TUBD1: variants seen among roughly 807,000 people sequenced by gnomAD.
TUBD1 encodes tubulin delta 1.
A neutral mutation model predicts 51.2 loss-of-function variants in TUBD1; 38 were observed. The ratio of observed to expected loss-of-function variants is 0.74; its 90% CI spans 0.57 to 0.97. The LOEUF (loss-of-function observed/expected upper bound fraction) is 0.97, where lower values mean the gene tolerates loss of function less well. TUBD1 is among the 50% of genes least tolerant of loss of function. The pLI is 0.00. For synonymous variants in TUBD1, 169 were observed against 178.2 expected (o/e 0.95, Z 0.41); for missense variants, 489 against 538.4 (o/e 0.91, Z 0.91).
chr17:59,890,753 T>C (rs1437388365), intron 2 of TUBD1, 78 bp downstream of exon 2: 1 of 1,278,318 alleles, frequency 7.8e-7, no homozygotes. Context: ...GAATGGGGTT[T>C]AAAAACCATG....
rs774496103 is a variant in TUBD1, at chr17:59,866,618, C to T, written c.1066G>A (p.Ala356Thr). 9 of 1,613,844 alleles carry T rather than the reference C, an allele frequency of 5.6e-6. No individual in the cohort carries two copies. The African/African-American group carries it at 1.2e-4, about 22-fold the overall frequency. ...CACCTGAATTTCTTACCCACATCTG[C>T]ACTTTGCACATCTTTCCCACGAAGA... ...VILRGKDVQSADVEGFKDPAL... is the reference protein window; with the variant it reads ...VILRGKDVQSTDVEGFKDPAL... Residue 356 changes from alanine to threonine, a missense_variant, in exon 7 of 9, where the codon GCA (alanine) becomes ACA (threonine). By Grantham distance (58) the Ala-to-Thr change is moderately conservative (BLOSUM62 0). Transcript: ENST00000325752.
intron 2 of TUBD1, among the ~76,000 whole-genome samples, chr17:59,887,123 T>A (rs1441220806): frequency 1.3e-5 from 2 of 151,142 alleles, no homozygotes; most frequent in East Asian, 3.9e-4. Flanking sequence ...GAGGTGGAGG[T>A]TGCAGTGAGC....
intron 7 of TUBD1, among the ~76,000 whole-genome samples, chr17:59,864,853 GTTTTC>G (rs1174201773): frequency 1.3e-5 from 2 of 151,642 alleles, no homozygotes; most frequent in Non-Finnish European, 2.9e-5. Context: ...AGATTGTTCG[GTTTTC>G]TTTTTTCTTT....
intron 5 of TUBD1, 23 bp downstream of exon 5, chr17:59,878,080 T>A (rs778488404): frequency 1.3e-6 from 2 of 1,573,344 alleles, no homozygotes; most frequent in South Asian, 1.1e-5. Flanking sequence ...TTTCCTATAA[T>A]TAACGTATAG....
intron 6 of TUBD1, among the ~76,000 whole-genome samples, chr17:59,873,337 C>A (rs1021748429): frequency 6.6e-6 from 1 of 151,292 alleles, no homozygotes; most frequent in African/African-American, 2.4e-5. Context: ...GCAGCCTTGA[C>A]CTCCTGGGCT....
rs953000780 is a variant in TUBD1, at chr17:59,890,859, T to A, written c.144A>T (p.Glu48Asp). Residue 48 changes from glutamate to aspartate, a missense_variant, in exon 2 of 9, where the codon GAA (glutamate) becomes GAT (aspartate). Transcript: ENST00000325752. ...ENEAYQASCK[E>D]RFFSEEENGV... ...CATTCTCCTCCTCACTGAAGAATCT[T>A]TCTTTGCAAGATGCTTGATATGCCT... is the stretch of plus-strand genomic sequence containing the variant. 1 of 1,613,390 alleles carries A rather than the reference T, an allele frequency of 6.2e-7. No homozygotes were observed. Among genetic ancestry groups the A allele is most frequent in the Admixed American group, 1.7e-5 (1 of 59,840 alleles).
intron 6 of TUBD1, among the ~76,000 whole-genome samples, chr17:59,873,257 GTTTTT>G (rs373205709): frequency 3.4e-5 from 5 of 147,144 alleles, no homozygotes; most frequent in Non-Finnish European, 7.6e-5. Context: ...TTTTGTTGTT[GTTTTT>G]TTTTTGAGAA....
chr17:59,883,728 T>A (rs982271689), intron 3 of TUBD1, among the ~76,000 whole-genome samples: 1 of 151,772 alleles, frequency 6.6e-6, no homozygotes, highest in Non-Finnish European at 1.5e-5. Context: ...TTTTTAAAAT[T>A]TTTTCGTAGC....
intron 1 of TUBD1, among the ~76,000 whole-genome samples, chr17:59,892,131 A>G (rs908989265): frequency 6.6e-6 from 1 of 152,248 alleles, no homozygotes; most frequent in African/African-American, 2.4e-5. Flanking sequence ...CTTCTAAATA[A>G]TAGCTTACGC....
intron 5 of TUBD1, 56 bp from the exon 6 acceptor site, chr17:59,874,759 A>C: frequency 6.9e-7 from 1 of 1,439,860 alleles, no homozygotes. Flanking sequence ...TGTTGCCAAT[A>C]GTCTATATAT....
chr17:59,871,579 T>C (rs1448395865), intron 6 of TUBD1, among the ~76,000 whole-genome samples: 1 of 152,032 alleles, frequency 6.6e-6, no homozygotes, highest in Non-Finnish European at 1.5e-5. Flanking sequence ...GGTCCATCAA[T>C]ATGAGGGAAT....
At chr17:59,885,433 G>T in intron 3 of TUBD1, 1 of 1,309,580 alleles carries the variant, frequency 7.6e-7, no homozygotes. Context: ...GTTCTGGGTG[G>T]GGGATATGTA....
intron 3 of TUBD1, among the ~76,000 whole-genome samples, chr17:59,883,262 AT>A (rs1233023858): frequency 1.3e-3 from 185 of 139,124 alleles, no homozygotes; most frequent in East Asian, 1.7e-3. Flanking sequence ...CACCCATCTA[AT>A]TTTTTTTTTT....
intron 4 of TUBD1, among the ~76,000 whole-genome samples, chr17:59,879,160 CG>C (rs1331560566): frequency 6.0e-5 from 9 of 150,426 alleles, no homozygotes; most frequent in Non-Finnish European, 1.3e-4. Context: ...CCCAGCTACC[CG>C]GGAGGCTGAT....
intron 6 of TUBD1, among the ~76,000 whole-genome samples, chr17:59,868,051 T>A (rs936607827): frequency 7.8e-6 from 1 of 127,736 alleles, no homozygotes; most frequent in African/African-American, 3.1e-5. Context: ...TCACTTGAGG[T>A]GAGGAGTTTG....
intron 2 of TUBD1, among the ~76,000 whole-genome samples, chr17:59,889,094 C>A (rs773598854): frequency 1.4e-5 from 2 of 143,204 alleles, no homozygotes; most frequent in Non-Finnish European, 3.0e-5. Context: ...CGGCTCACTG[C>A]AACCCCCCTC....
rs756445024 is a variant in TUBD1 at position 59,886,116 on chromosome 17, T to A, written c.287A>T (p.Gln96Leu). ...CCAGTTGTTTCCAGAACCTTGTTTT[T>A]GACAGAAGCATGCATGTTGACCATA... is the stretch of plus-strand genomic sequence containing the variant. ...WKYGQHACFC[Q>L]KQGSGNNWAY... The change falls in exon 3 of 9, where the codon CAA (glutamine) becomes CTA (leucine). Residue 96 changes from glutamine (Q) to leucine (L), a missense_variant. Transcript: ENST00000325752. 4 of 1,614,088 alleles carry A rather than the reference T, an allele frequency of 2.5e-6. No homozygotes were observed. The Admixed American group carries it at 6.7e-5, about 27-fold the overall frequency.
intron 5 of TUBD1, among the ~76,000 whole-genome samples, chr17:59,876,429 A>G (rs555555758): frequency 6.7e-6 from 1 of 149,170 alleles, no homozygotes; most frequent in South Asian, 2.1e-4. Flanking sequence ...ACCTCAGCTC[A>G]CTGCAACCTC....
At position 59,866,793 on chromosome 17, in the gene TUBD1, T is replaced by TA. The variant is rs761789780; in HGVS notation, c.935-45dup. 2.6e-6 allele frequency: 4 copies of TA among 1,533,084 alleles called. No individual in the cohort carries two copies. In the African/African-American group the frequency reaches 4.2e-5, roughly 16 times the overall value. 95.0% of individuals were successfully genotyped at this position (1,533,084 alleles called of 1,614,324 possible). A position where few individuals can be genotyped will look rare whatever the true frequency, so the allele number is the denominator to read the frequency against. On this transcript the variant is annotated intron_variant, in intron 6 of 8. Coordinates refer to ENST00000325752, the MANE Select transcript of TUBD1 (RefSeq NM_016261.4). ...AGCAAGAGGTTTTATTTTATTTACTTAGTTTTTTGAGATGGAGTCTCACTC... is the reference window on the plus strand; with the variant it reads ...AGCAAGAGGTTTTATTTTATTTACTTAAGTTTTTTGAGATGGAGTCTCACTC...
Sources: allele counts gnomAD v4.1 joint callset (sites outside exome capture counted in the v4.1 genomes callset), GRCh38; gene constraint gnomAD v4.1.1; transcripts MANE v1.5; gene names NCBI Gene and HGNC (gene_info 2026-07-23, HGNC 2026-07-21).